LINGO2: variants seen among roughly 807,000 people sequenced by gnomAD.
LINGO2 encodes leucine-rich repeat and immunoglobulin-like domain-containing nogo receptor-interacting protein 2.
LINGO2 carries 14 observed loss-of-function variants against 30.6 expected under a neutral mutation model. The ratio of observed to expected loss-of-function variants is 0.46; its 90% confidence interval spans 0.30 to 0.72. The LOEUF is 0.72. LINGO2 is among the 30% of genes least tolerant of loss of function. LINGO2 has a pLI of 0.07. For missense variants in LINGO2, 729 were observed against 751.7 expected, an observed-to-expected ratio of 0.97 and a Z score of 0.35; for synonymous variants, 317 against 288.5, an observed-to-expected ratio of 1.10 and a Z score of -1.00.
At chr9:29,075,622 T>C in the LINGO2 span, among the ~76,000 whole-genome samples, 3 of 152,140 alleles carry the variant, frequency 2.0e-5, no homozygotes, top group Admixed American at 6.6e-5. Context: ...ATTGGCAAAA[T>C]GATCTCTAAT....
chr9:29,187,067 C>T, the LINGO2 span, among the ~76,000 whole-genome samples: 1 of 152,142 alleles, frequency 6.6e-6, no homozygotes, highest in Non-Finnish European at 1.5e-5. Context: ...CTTGTACCAA[C>T]TCACAAAGCT....
the LINGO2 span, among the ~76,000 whole-genome samples, chr9:28,914,044 T>C: frequency 6.6e-6 from 1 of 152,150 alleles, no homozygotes; most frequent in Non-Finnish European, 1.5e-5. Flanking sequence ...TATGCCACTC[T>C]CACTTTCCAA....
chr9:28,645,025 G>A (rs1223509331), intron 1 of LINGO2, among the ~76,000 whole-genome samples: 2 of 152,154 alleles, frequency 1.3e-5, no homozygotes, highest in Admixed American at 1.3e-4. Context: ...TTTATATCAT[G>A]TGATAAATTT....
At chr9:28,598,942 T>C (rs1825338278) in intron 1 of LINGO2, 1 of 152,170 alleles carries the variant, frequency 6.6e-6, no homozygotes, top group Non-Finnish European at 1.5e-5. Context: ...GGATCCACCA[T>C]TAAACTTCAT....
chr9:29,010,919 A>G, the LINGO2 span, among the ~76,000 whole-genome samples: 2 of 152,150 alleles, frequency 1.3e-5, no homozygotes, highest in African/African-American at 2.4e-5. Flanking sequence ...AATAAGTGGT[A>G]TAATAGAAAA....
At chr9:28,533,353 C>T (rs190453846) in intron 1 of LINGO2, among the ~76,000 whole-genome samples, 31 of 152,184 alleles carry the variant, frequency 2.0e-4, no homozygotes, top group Middle Eastern at 6.8e-3. Context: ...AGACGGGCTT[C>T]CTGATTCTTC....
the LINGO2 span, among the ~76,000 whole-genome samples, chr9:29,191,134 T>C: frequency 9.2e-5 from 14 of 152,290 alleles, no homozygotes; most frequent in South Asian, 2.9e-3. Flanking sequence ...TGCCATTGGA[T>C]CACATTCTTA....
the LINGO2 span, among the ~76,000 whole-genome samples, chr9:28,770,578 A>C: frequency 6.6e-6 from 1 of 152,210 alleles, no homozygotes; most frequent in Non-Finnish European, 1.5e-5. Context: ...TCTACACTGT[A>C]GTACTTAGCA....
At chr9:28,939,371 T>C in the LINGO2 span, among the ~76,000 whole-genome samples, 1 of 152,180 alleles carries the variant, frequency 6.6e-6, no homozygotes, top group Non-Finnish European at 1.5e-5. Flanking sequence ...TTTCCAGACA[T>C]GCAAAATAAC....
At chr9:27,996,388 G>A (rs1821664105) in intron 5 of LINGO2, among the ~76,000 whole-genome samples, 1 of 152,094 alleles carries the variant, frequency 6.6e-6, no homozygotes, top group Non-Finnish European at 1.5e-5. Context: ...CAATCTAAAT[G>A]TCCATCAATG....
At chr9:28,315,656 TA>T (rs887518826) in intron 3 of LINGO2, among the ~76,000 whole-genome samples, 1 of 152,162 alleles carries the variant, frequency 6.6e-6, no homozygotes, top group African/African-American at 2.4e-5. Flanking sequence ...GTAGATGATT[TA>T]CTAGTTTAGA....
chr9:28,188,214 T>C (rs895973328), intron 4 of LINGO2, among the ~76,000 whole-genome samples: 1 of 152,182 alleles, frequency 6.6e-6, no homozygotes, highest in African/African-American at 2.4e-5. Flanking sequence ...TAATTTCTAC[T>C]TATTCACTCA....
chr9:28,268,132 T>C (rs191555497), intron 4 of LINGO2, among the ~76,000 whole-genome samples: 105 of 151,954 alleles, frequency 6.9e-4, no homozygotes, highest in Non-Finnish European at 1.2e-3. Context: ...ACTTTAAAAA[T>C]GTAGGTCAGG....
At chr9:28,356,276 A>C (rs1163439456) in intron 3 of LINGO2, among the ~76,000 whole-genome samples, 1 of 152,148 alleles carries the variant, frequency 6.6e-6, no homozygotes, top group Non-Finnish European at 1.5e-5. Flanking sequence ...AGTTCCAAGC[A>C]GGTATATTTC....
the LINGO2 span, among the ~76,000 whole-genome samples, chr9:29,017,425 T>C: frequency 6.6e-6 from 1 of 152,136 alleles, no homozygotes; most frequent in Non-Finnish European, 1.5e-5. Flanking sequence ...CAGAAAAATA[T>C]ACTATTTATC....
chr9:28,170,998 T>C (rs1293767287), intron 4 of LINGO2, among the ~76,000 whole-genome samples: 1 of 152,200 alleles, frequency 6.6e-6, no homozygotes, highest in Non-Finnish European at 1.5e-5. Context: ...TCACAGATGG[T>C]TATGGGCACC....
the LINGO2 span, among the ~76,000 whole-genome samples, chr9:29,001,823 C>T: frequency 6.6e-6 from 1 of 151,918 alleles, no homozygotes; most frequent in African/African-American, 2.4e-5. Flanking sequence ...CTACACAAAG[C>T]AGTAAGATTT....
the LINGO2 span, among the ~76,000 whole-genome samples, chr9:28,958,168 T>C: frequency 6.6e-6 from 1 of 152,174 alleles, no homozygotes; most frequent in South Asian, 2.1e-4. Flanking sequence ...ATAGACTATC[T>C]GAATATTCTG....
chr9:28,264,835 A>G (rs1339633649), intron 4 of LINGO2, among the ~76,000 whole-genome samples: 1 of 151,956 alleles, frequency 6.6e-6, no homozygotes, highest in African/African-American at 2.4e-5. Context: ...GGTATTTTAC[A>G]TATGTGGTTA....
Sources: gnomAD v4.1 joint callset for allele counts (sites outside exome capture counted in the v4.1 genomes callset) on GRCh38, gnomAD v4.1.1 for gene constraint, MANE v1.5 for transcripts, NCBI Gene and HGNC (gene_info 2026-07-23, HGNC 2026-07-21) for gene names.